Variants in GRIN2A observed in about 807,000 individuals in gnomAD.
GRIN2A encodes the protein glutamate ionotropic receptor NMDA type subunit 2A.
Under a neutral mutation model 113.4 loss-of-function variants are expected in GRIN2A, and 22 were observed. The observed-to-expected ratio is 0.19, with a 90% CI of 0.14 to 0.28. The LOEUF (loss-of-function observed/expected upper bound fraction) is 0.28. GRIN2A is among the 10% of genes least tolerant of loss of function. The pLI is 1.00. For synonymous variants in GRIN2A, 827 were observed against 738.4 expected (o/e 1.12, Z -1.94); for missense variants, 1,502 against 1,887.0 (o/e 0.80, Z 3.78).
intron 2 of GRIN2A, among the ~76,000 whole-genome samples, chr16:10,138,523 G>A (rs1436041469): frequency 6.6e-6 from 1 of 152,096 alleles, no homozygotes. Context: ...TTACTATCAC[G>A]AGAACAGCAA....
At chr16:9,767,723 T>C (rs1032681280) in intron 12 of GRIN2A, among the ~76,000 whole-genome samples, 3 of 152,202 alleles carry the variant, frequency 2.0e-5, no homozygotes, top group African/African-American at 7.2e-5. Context: ...TAGATACATA[T>C]GTATTTTGTG....
At chr16:9,933,106 TATA>T (rs1197529512) in intron 3 of GRIN2A, among the ~76,000 whole-genome samples, 1 of 152,254 alleles carries the variant, frequency 6.6e-6, no homozygotes, top group Non-Finnish European at 1.5e-5. Flanking sequence ...AAGGAGGTTA[TATA>T]ACATGGCTGA....
intron 2 of GRIN2A, among the ~76,000 whole-genome samples, chr16:10,094,390 G>A (rs559990637): frequency 3.9e-5 from 6 of 152,244 alleles, no homozygotes; most frequent in African/African-American, 1.4e-4. Context: ...GGGTATACAT[G>A]AGGGGATTTT....
chr16:10,175,411 A>G (rs772883907), intron 2 of GRIN2A, among the ~76,000 whole-genome samples: 15 of 152,224 alleles, frequency 9.9e-5, no homozygotes, highest in Non-Finnish European at 2.1e-4. Context: ...AAGAAAAACC[A>G]TATATACTAT....
intron 3 of GRIN2A, among the ~76,000 whole-genome samples, chr16:9,928,393 C>G (rs140309297): frequency 4.1e-4 from 62 of 152,262 alleles, no homozygotes; most frequent in Non-Finnish European, 7.4e-4. Context: ...GTTAATCGGT[C>G]GTGAGCACCT....
chr16:10,017,899 T>C (rs913383092), intron 2 of GRIN2A, among the ~76,000 whole-genome samples: 6 of 152,256 alleles, frequency 3.9e-5, no homozygotes, highest in Admixed American at 3.9e-4. Flanking sequence ...TCAGCCCTGC[T>C]GGATCCTCTA....
intron 2 of GRIN2A, among the ~76,000 whole-genome samples, chr16:10,044,062 GAGACAGAGACA>G (rs1407335265): frequency 6.6e-6 from 1 of 150,456 alleles, no homozygotes; most frequent in African/African-American, 2.5e-5. Flanking sequence ...GACAGAGACA[GAGACAGAGACA>G]GAGAGTGCCT....
chr16:10,166,808 C>T (rs2049934562), intron 2 of GRIN2A, among the ~76,000 whole-genome samples: 1 of 152,180 alleles, frequency 6.6e-6, no homozygotes, highest in African/African-American at 2.4e-5. Context: ...CCAACCCCTC[C>T]TCTTCCTCCT....
rs1164376588 is a variant in GRIN2A, at chr16:9,763,558, A to T, written c.3986T>A (p.Phe1329Tyr). ...CGAGAGTTTGCTTGAGGGGACACTA[A>T]ACAGGCTGCCGTAAAAATTTCCCTC... ...LLEGNFYGSL[F>Y]SVPSSKLSGK... is the part of the protein sequence containing the mutation. The change falls in exon 13 of 13, where the codon TTT (phenylalanine) becomes TAT (tyrosine). Residue 1329 changes from phenylalanine to tyrosine, a missense_variant. Phe to Tyr is a conservative substitution (Grantham distance 22). Transcript: ENST00000330684. 6.2e-7 allele frequency: 1 copy of T among 1,613,852 alleles called. No individual in the cohort carries two copies. Among genetic ancestry groups the T allele is most frequent in the African/African-American group, 1.3e-5 (1 of 74,888 alleles).
intron 4 of GRIN2A, among the ~76,000 whole-genome samples, chr16:9,882,589 C>T (rs1270150914): frequency 6.6e-6 from 1 of 152,006 alleles, no homozygotes; most frequent in Admixed American, 6.6e-5. Flanking sequence ...GAGATTGAGA[C>T]CAGCCTGGGC....
intron 4 of GRIN2A, among the ~76,000 whole-genome samples, chr16:9,883,965 A>G (rs1042806030): frequency 3.3e-5 from 5 of 152,190 alleles, no homozygotes; most frequent in Admixed American, 6.6e-5. Flanking sequence ...CTGGGGAATA[A>G]AAGGCTTGTT....
At chr16:9,869,710 T>C (rs2043222560) in intron 4 of GRIN2A, among the ~76,000 whole-genome samples, 1 of 152,204 alleles carries the variant, frequency 6.6e-6, no homozygotes. Context: ...CTCATGGAAA[T>C]AAATAAAGTA....
intron 2 of GRIN2A, among the ~76,000 whole-genome samples, chr16:10,004,892 G>A (rs139911111): frequency 8.9e-4 from 135 of 152,262 alleles, no homozygotes; most frequent in African/African-American, 3.1e-3. Flanking sequence ...AGCATTTTGA[G>A]GGCCCTTTAT....
chr16:9,938,003 G>A lies in GRIN2A; in HGVS notation c.963C>T (p.Tyr321=), dbSNP rs368200727. 218 of 1,613,890 alleles carry A rather than the reference G, an allele frequency of 1.4e-4. No homozygotes were observed. The highest frequency in any genetic ancestry group is 2.5e-4 in the African/African-American group (19 of 74,924). The change falls in exon 3 of 13, where the codon TAC becomes TAT. Residue 321 remains tyrosine, a synonymous_variant. Coordinates refer to ENST00000330684, the MANE Select transcript of GRIN2A (RefSeq NM_001134407.3). Reference sequence around the variant, plus strand: ...GGACCTCTGGCCTCTCCATCTGCCCGTAGCAGCTGGCCTTGGCCTCGGGGA... The same window carrying A: ...GGACCTCTGGCCTCTCCATCTGCCCATAGCAGCTGGCCTTGGCCTCGGGGA... ...SYIPEAKASC[Y]GQMERPEVPM... is the part of the protein sequence containing the mutation.
At chr16:9,868,290 C>T (rs1297197120) in intron 4 of GRIN2A, among the ~76,000 whole-genome samples, 2 of 151,964 alleles carry the variant, frequency 1.3e-5, no homozygotes, top group Admixed American at 1.3e-4. Flanking sequence ...TTTTTTGAGA[C>T]AGGGTCTTAT....
Position 9,760,889 on chromosome 16 carries a change from G to A in GRIN2A, c.*2260C>T, listed in dbSNP as rs1160596642. The A allele has an allele frequency of 2.6e-5, 6 of 232,518 alleles. No homozygotes were observed. The highest frequency in any genetic ancestry group is 4.4e-5 in the African/African-American group (2 of 45,294). 14.4% of individuals were successfully genotyped at this position (232,518 alleles called of 1,614,324 possible). On this transcript the variant is annotated 3_prime_UTR_variant, in exon 13 of 13. Transcript: ENST00000330684. The stretch of plus-strand genomic sequence containing the variant: ...GAATGCACTGGAAGGGCAGAAGGTA[G>A]AAAGGGCTAAAAGGCTACACAGTCA...
chr16:9,972,160 C>G (rs543637874), intron 2 of GRIN2A, among the ~76,000 whole-genome samples: 2 of 152,282 alleles, frequency 1.3e-5, no homozygotes, highest in South Asian at 4.1e-4. Context: ...GTAGACAAGG[C>G]TCAAAGTAGT....
At chr16:10,138,713 T>C (rs1241272550) in intron 2 of GRIN2A, among the ~76,000 whole-genome samples, 6 of 152,120 alleles carry the variant, frequency 3.9e-5, no homozygotes, top group Admixed American at 2.0e-4. Flanking sequence ...GGGGTAAGAA[T>C]AGTGCCAGCA....
chr16:9,881,247 G>A (rs954702969), intron 4 of GRIN2A, among the ~76,000 whole-genome samples: 18 of 152,222 alleles, frequency 1.2e-4, no homozygotes, highest in African/African-American at 3.9e-4. Context: ...GATGCAACAA[G>A]ATTCCAATTT....
Sources: allele counts gnomAD v4.1 joint callset (sites outside exome capture counted in the v4.1 genomes callset), GRCh38; gene constraint gnomAD v4.1.1; transcripts MANE v1.5; gene names NCBI Gene and HGNC (gene_info 2026-07-23, HGNC 2026-07-21).